RBFOX1: variants seen among roughly 807,000 people sequenced by gnomAD.
The protein encoded by RBFOX1 is RNA binding protein fox-1 homolog 1.
In RBFOX1, 8 loss-of-function variants were observed where a neutral mutation model predicts 57.7. The observed-to-expected ratio is 0.14, with a 90% CI of 0.08 to 0.25. The LOEUF is 0.25. RBFOX1 is among the 10% of genes least tolerant of loss of function. The pLI, the probability that RBFOX1 is intolerant of heterozygous loss-of-function variation, is 1.00. For missense variants in RBFOX1, 611 were observed against 548.5 expected (o/e 1.11, Z -1.14); for synonymous variants, 326 against 222.4 (o/e 1.47, Z -4.15).
rs753045643 is a variant in RBFOX1 at position 7,469,022 on chromosome 16, C to T, written c.28-49125C>T. Among the ~76,000 whole-genome samples the T allele has an allele frequency of 3.3e-5, 5 of 152,098 alleles. No individual in the cohort carries two copies. In the East Asian group the frequency reaches 7.8e-4, roughly 24 times the overall value. ...CATCTCGGCTCGCTGCAAGCTCCACCGCCCAGGTTCACACCATTTTCCTGC... is the reference window on the plus strand; with the variant it reads ...CATCTCGGCTCGCTGCAAGCTCCACTGCCCAGGTTCACACCATTTTCCTGC... On this transcript the variant is annotated intron_variant, in intron 4 of 15. Coordinates refer to ENST00000550418, the MANE Select transcript of RBFOX1 (RefSeq NM_018723.4).
intron 2 of RBFOX1, among the ~76,000 whole-genome samples, chr16:5,556,916 TC>T (rs2045699703): frequency 1.3e-5 from 2 of 152,138 alleles, no homozygotes; most frequent in South Asian, 4.1e-4. Context: ...GGCAAGAAAC[TC>T]CTTCAGCTTT....
At chr16:6,310,096 C>G (rs2080059337) in intron 1 of RBFOX1, among the ~76,000 whole-genome samples, 1 of 152,192 alleles carries the variant, frequency 6.6e-6, no homozygotes, top group African/African-American at 2.4e-5. Context: ...CCATATTGGT[C>G]AGGCTGGTCT....
At chr16:7,414,731 C>A (rs546017139) in intron 4 of RBFOX1, among the ~76,000 whole-genome samples, 8 of 152,258 alleles carry the variant, frequency 5.3e-5, no homozygotes, top group African/African-American at 1.9e-4. Flanking sequence ...GATTCTTGTG[C>A]CTCAGCCTCC....
chr16:6,001,858 A>G (rs1442001181), intron 4 of RBFOX1, among the ~76,000 whole-genome samples: 3 of 152,024 alleles, frequency 2.0e-5, no homozygotes, highest in Non-Finnish European at 4.4e-5. Context: ...GGGACTCAGA[A>G]CCCTCTGAGG....
rs573776106 is a variant in RBFOX1 at position 5,555,881 on chromosome 16, C to T, written c.259-43021C>T. The stretch of plus-strand genomic sequence containing the variant: ...TACTAAAAATACAAAATTAGCCGGT[C>T]GTGGTGGTGCATGTCTGTAATCCCA... On this transcript the variant is annotated intron_variant, in intron 2 of 2. Coordinates refer to the RBFOX1 transcript ENST00000585867. Among the ~76,000 whole-genome samples, 24 of 151,992 alleles carry T rather than the reference C, an allele frequency of 1.6e-4. No individual in the cohort carries two copies. In the South Asian group the frequency reaches 1.7e-3, roughly 11 times the overall value.
intron 3 of RBFOX1, among the ~76,000 whole-genome samples, chr16:5,675,785 C>T (rs1596701399): frequency 8.5e-5 from 13 of 152,106 alleles, no homozygotes; most frequent in Admixed American, 8.5e-4. Context: ...AGACATGCTG[C>T]TCCTCTCCAT....
At chr16:5,952,018 C>T (rs1202196276) in intron 4 of RBFOX1, among the ~76,000 whole-genome samples, 1 of 149,862 alleles carries the variant, frequency 6.7e-6, no homozygotes, top group African/African-American at 2.5e-5. Context: ...TATATATATG[C>T]ACACACACAC....
chr16:5,686,492 C>T (rs564447230), intron 3 of RBFOX1, among the ~76,000 whole-genome samples: 4 of 152,266 alleles, frequency 2.6e-5, no homozygotes, highest in Middle Eastern at 6.8e-3. Flanking sequence ...TGTGCCTCCA[C>T]TGAGAGATCC....
At chr16:5,814,695 G>A (rs1263231208) in intron 3 of RBFOX1, among the ~76,000 whole-genome samples, 3 of 152,184 alleles carry the variant, frequency 2.0e-5, no homozygotes, top group African/African-American at 7.2e-5. Flanking sequence ...TTGGGAGGCC[G>A]AGGCGGGTGG....
rs78042198 is a variant in RBFOX1, at chr16:7,203,941, T to G, written c.27+151843T>G. On this transcript the variant is annotated intron_variant, in intron 4 of 15. Transcript: ENST00000550418. ...TGCACATTTACATATGATTTGCATC[T>G]GCTTTACATAGGGCTGTACAAGCTG... Among the ~76,000 whole-genome samples, 166 of 152,382 alleles carry G rather than the reference T, an allele frequency of 1.1e-3. 2 individuals carry two copies. The East Asian group carries it at 0.03, about 27-fold the overall frequency.
intron 3 of RBFOX1, among the ~76,000 whole-genome samples, chr16:6,883,900 A>C (rs370489532): frequency 1.3e-5 from 2 of 152,058 alleles, no homozygotes; most frequent in Non-Finnish European, 2.9e-5. Flanking sequence ...CTGAGACTTA[A>C]GTTAGAGGGG....
chr16:7,190,676 C>T (rs2085148616), intron 4 of RBFOX1, among the ~76,000 whole-genome samples: 1 of 151,960 alleles, frequency 6.6e-6, no homozygotes, highest in African/African-American at 2.4e-5. Flanking sequence ...ATTCAGCTCC[C>T]CAGAAATCAG....
intron 2 of RBFOX1, among the ~76,000 whole-genome samples, chr16:5,547,453 A>G (rs1030846919): frequency 2.0e-5 from 3 of 152,216 alleles, no homozygotes; most frequent in African/African-American, 7.2e-5. Flanking sequence ...CTATACATGC[A>G]AGAACATGGG....
chr16:5,718,910 A>AAATG (rs551458775), intron 3 of RBFOX1, among the ~76,000 whole-genome samples: 3,538 of 151,712 alleles, frequency 0.023, 135 homozygotes, highest in African/African-American at 0.079. Flanking sequence ...TTGCTTCTCA[A>AAATG]AATGAATGAA....
chr16:6,191,687 T>C (rs2152810378), intron 1 of RBFOX1, among the ~76,000 whole-genome samples: 1 of 152,302 alleles, frequency 6.6e-6, no homozygotes, highest in African/African-American at 2.4e-5. Flanking sequence ...TGCCTTTTTA[T>C]GGTGATTTGG....
At chr16:5,901,204 G>T (rs1006240374) in intron 4 of RBFOX1, among the ~76,000 whole-genome samples, 1 of 152,112 alleles carries the variant, frequency 6.6e-6, no homozygotes, top group South Asian at 2.1e-4. Flanking sequence ...GGCTGTATGT[G>T]GGGGCTACTT....
intron 2 of RBFOX1, among the ~76,000 whole-genome samples, chr16:6,346,826 T>C (rs2085454863): frequency 6.6e-6 from 1 of 152,164 alleles, no homozygotes; most frequent in Non-Finnish European, 1.5e-5. Context: ...GGATCTCTCA[T>C]ATATTACCAG....
chr16:7,082,205 T>C (rs2059307600), intron 4 of RBFOX1, among the ~76,000 whole-genome samples: 1 of 152,140 alleles, frequency 6.6e-6, no homozygotes, highest in Admixed American at 6.5e-5. Context: ...TGAAGACCTA[T>C]GGTTCAGGAT....
At chr16:7,154,194 C>A (rs1379482061) in intron 4 of RBFOX1, among the ~76,000 whole-genome samples, 2 of 152,162 alleles carry the variant, frequency 1.3e-5, no homozygotes, top group African/African-American at 2.4e-5. Flanking sequence ...TGTTGTGAGA[C>A]TAAGAAATAA....
Sources: allele counts gnomAD v4.1 joint callset (sites outside exome capture counted in the v4.1 genomes callset), GRCh38; gene constraint gnomAD v4.1.1; transcripts MANE v1.5; gene names NCBI Gene and HGNC (gene_info 2026-07-23, HGNC 2026-07-21).